The following ADGRE2 variants were observed in gnomAD, a reference collection of about 807,000 sequenced individuals.
ADGRE2 encodes adhesion G protein-coupled receptor E2, also known as CD97 antigen.
ADGRE2 carries 83 observed loss-of-function variants against 100.8 expected under a neutral mutation model. The ratio of observed to expected loss-of-function variants is 0.82; its 90% CI spans 0.69 to 0.99. The LOEUF (loss-of-function observed/expected upper bound fraction) is 0.99, where lower values mean the gene tolerates loss of function less well. ADGRE2 is among the 50% of genes least tolerant of loss of function. The pLI is 0.00. For synonymous variants in ADGRE2, 355 were observed against 413.0 expected, an observed-to-expected ratio of 0.86 and a Z score of 1.70; for missense variants, 814 against 1,035.7, an observed-to-expected ratio of 0.79 and a Z score of 2.94.
intron 6 of ADGRE2, 112 bp from the exon 7 acceptor site, chr19:14,766,493 T>G: frequency 7.4e-7 from 1 of 1,348,492 alleles, no homozygotes; most frequent in South Asian, 1.4e-5. Flanking sequence ...AGACCATTAT[T>G]GCACGTGCCA....
chr19:14,749,521 AATATAATTATTTATGGTT>A lies in ADGRE2; in HGVS notation c.2024+1897_2024+1914del, dbSNP rs1350845956. On this transcript the variant is annotated intron_variant, in intron 16 of 20. Transcript: ENST00000315576. ...GTAATATAATTATTTATAGTTATGT[AATATAATTATTTATGGTT>A]ATATAATTATTTATAGTTATGTTAT... Among the ~76,000 whole-genome samples, 476 of 85,892 alleles carry A rather than the reference AATATAATTATTTATGGTT, an allele frequency of 5.5e-3. 38 individuals carry two copies. The highest frequency in any genetic ancestry group is 0.025 in the African/African-American group (440 of 17,714). 56.3% of individuals were successfully genotyped at this position (85,892 alleles called of 152,430 possible). A position where few individuals can be genotyped will look rare whatever the true frequency, so the allele number is the denominator to read the frequency against.
At chr19:14,738,478 A>C (rs1238166572) in intron 20 of ADGRE2, among the ~76,000 whole-genome samples, 1 of 152,042 alleles carries the variant, frequency 6.6e-6, no homozygotes, top group Non-Finnish European at 1.5e-5. Context: ...TCCTGGGCTC[A>C]AGCAATACTC....
At chr19:14,740,000 C>T (rs2042878950) in intron 20 of ADGRE2, among the ~76,000 whole-genome samples, 1 of 151,696 alleles carries the variant, frequency 6.6e-6, no homozygotes, top group Non-Finnish European at 1.5e-5. Context: ...ACTCGGGAGG[C>T]TGAGGCACGA....
At chr19:14,760,113 C>T (rs535081148) in intron 11 of ADGRE2, among the ~76,000 whole-genome samples, 3 of 152,222 alleles carry the variant, frequency 2.0e-5, no homozygotes, top group Admixed American at 6.5e-5. Flanking sequence ...CCACCGTGCC[C>T]GGCCCAAGTT....
Position 14,759,503 on chromosome 19 carries a change from A to ATATATATATATTTT in ADGRE2, c.1085-3159_1085-3158insAAAATATATATATA, listed in dbSNP as rs60789454. ...ATAAGTTATACATATATATATATAT[A>ATATATATATATTTT]TTTTTTTTTTTTAGACGGAGTCTCA... On this transcript the variant is annotated intron_variant, in intron 11 of 20. Coordinates refer to ENST00000315576, the MANE Select transcript of ADGRE2 (RefSeq NM_013447.4). 6.4e-4 allele frequency among the ~76,000 whole-genome samples: 86 copies of ATATATATATATTTT among 133,368 alleles called. 1 individual carries two copies. The highest frequency in any genetic ancestry group is 2.4e-3 in the African/African-American group (81 of 33,670). The allele number at this position is 133,368 out of a possible 152,430, so 87.5% of individuals were successfully genotyped here.
chr19:14,742,057 G>A, intron 20 of ADGRE2: 1 of 398,544 alleles, frequency 2.5e-6, no homozygotes, highest in Non-Finnish European at 4.4e-6. Context: ...CCAGAGTGCT[G>A]GCATTACAAG....
intron 11 of ADGRE2, among the ~76,000 whole-genome samples, chr19:14,757,899 G>C (rs1568602468): frequency 6.6e-6 from 1 of 152,208 alleles, no homozygotes; most frequent in East Asian, 1.9e-4. Context: ...CGTGTCCCAG[G>C]TTCAAGCAAT....
rs772817258 is a variant in ADGRE2 at position 14,751,651 on chromosome 19, G to A, written c.1809C>T (p.Ala603=). The A allele has an allele frequency of 4.2e-5, 68 of 1,613,836 alleles. No homozygotes were observed. The highest frequency in any genetic ancestry group is 5.1e-5 in the Non-Finnish European group (60 of 1,179,926). Residue 603 remains alanine, a synonymous_variant, in exon 16 of 21, where the codon GCC becomes GCT. Coordinates refer to ENST00000315576, the MANE Select transcript of ADGRE2 (RefSeq NM_013447.4). The stretch of plus-strand genomic sequence containing the variant: ...CCAGGTAGAGATAGTGCAAGGTACC[G>A]GCGATGATGGAGCACAGCACCTGGC... ...TGHKVLCSII[A]GTLHYLYLAT... is the part of the protein sequence containing the mutation.
intron 11 of ADGRE2, among the ~76,000 whole-genome samples, chr19:14,760,320 A>C (rs1209311407): frequency 1.3e-5 from 2 of 152,204 alleles, no homozygotes; most frequent in African/African-American, 4.8e-5. Flanking sequence ...GTACCCATAA[A>C]TATGTAAGAT....
In ADGRE2 at chr19:14,733,522, G is replaced by A. The variant is rs1354019580; in HGVS notation, c.*2714C>T. On this transcript the variant is annotated 3_prime_UTR_variant, in exon 21 of 21. Transcript: ENST00000315576. Reference sequence around the variant, plus strand: ...AGGGAAGCTAAAAGCAGACTTGGGGGGTATGCCTACAGCTGCAGAAAAATG... The same window carrying A: ...AGGGAAGCTAAAAGCAGACTTGGGGAGTATGCCTACAGCTGCAGAAAAATG... 6.6e-6 allele frequency: 1 copy of A among 151,912 alleles called. No individual in the cohort carries two copies. Among genetic ancestry groups the A allele is most frequent in the Non-Finnish European group, 1.5e-5 (1 of 67,990 alleles). The allele number at this position is 151,912 out of a possible 1,614,324, so 9.4% of individuals were successfully genotyped here.
At chr19:14,757,716 C>T (rs2043550784) in intron 11 of ADGRE2, among the ~76,000 whole-genome samples, 1 of 152,184 alleles carries the variant, frequency 6.6e-6, no homozygotes, top group African/African-American at 2.4e-5. Context: ...CAAAATAAGC[C>T]AGTGACCTAA....
At chr19:14,739,769 C>G (rs1041104094) in intron 20 of ADGRE2, among the ~76,000 whole-genome samples, 2 of 152,072 alleles carry the variant, frequency 1.3e-5, no homozygotes, top group African/African-American at 2.4e-5. Flanking sequence ...ATGTAATCAT[C>G]AAGGTCTTTA....
rs375640426 is a variant in ADGRE2 at position 14,769,509 on chromosome 19, G to A, written c.356-2400C>T. Reference sequence around the variant, plus strand: ...GAGGGGGATGCAGACAGGGCCCCACGGAGCCCTTCCCTGAGCTGAGGCTTC... The same window carrying A: ...GAGGGGGATGCAGACAGGGCCCCACAGAGCCCTTCCCTGAGCTGAGGCTTC... On this transcript the variant is annotated intron_variant, in intron 5 of 20. Transcript: ENST00000315576. Among the ~76,000 whole-genome samples, 31 of 152,176 alleles carry A rather than the reference G, an allele frequency of 2.0e-4. 1 individual carries two copies. The South Asian group carries it at 4.8e-3, about 23-fold the overall frequency.
intron 6 of ADGRE2, 29 bp from the exon 7 acceptor site, chr19:14,766,410 T>C: frequency 6.3e-7 from 1 of 1,592,494 alleles, no homozygotes; most frequent in Non-Finnish European, 8.6e-7. Context: ...GGTCAAACCC[T>C]GTCCCTGACC....
chr19:14,774,184 G>T (rs912119876), intron 3 of ADGRE2, 72 bp downstream of exon 3: 2 of 1,515,388 alleles, frequency 1.3e-6, no homozygotes, highest in Non-Finnish European at 9.1e-7. Flanking sequence ...GCTGAAGGGG[G>T]CTGGGCGGGG....
chr19:14,728,038 C>G (rs190525781), downstream of ADGRE2, among the ~76,000 whole-genome samples: 2 of 152,102 alleles, frequency 1.3e-5, no homozygotes, highest in African/African-American at 4.8e-5. Flanking sequence ...CTGGCTAACA[C>G]GGTGAAACCC....
intron 18 of ADGRE2, among the ~76,000 whole-genome samples, chr19:14,745,192 G>A (rs1197124924): frequency 6.6e-6 from 1 of 152,104 alleles, no homozygotes; most frequent in Non-Finnish European, 1.5e-5. Context: ...TTACAGGCAT[G>A]AGCCACCATG....
intron 20 of ADGRE2, 134 bp downstream of exon 20, chr19:14,743,286 T>C: frequency 2.8e-6 from 2 of 720,226 alleles, no homozygotes; most frequent in South Asian, 3.3e-5. Flanking sequence ...TAATGGTTAA[T>C]GAGTCAAGGC....
intron 20 of ADGRE2, among the ~76,000 whole-genome samples, chr19:14,743,200 AATGCTGGGATGACAGTG>A (rs2042980673): frequency 6.6e-6 from 1 of 151,912 alleles, no homozygotes; most frequent in Non-Finnish European, 1.5e-5. Flanking sequence ...AGGCCTCCCA[AATGCTGGGATGACAGTG>A]ATGCTGGGAT....
Sources: gnomAD v4.1 joint callset for allele counts (sites outside exome capture counted in the v4.1 genomes callset) on GRCh38, gnomAD v4.1.1 for gene constraint, MANE v1.5 for transcripts, NCBI Gene and HGNC (gene_info 2026-07-23, HGNC 2026-07-21) for gene names.